The following DNAH5 variants were observed in gnomAD, a reference collection of about 807,000 sequenced individuals.
The protein encoded by DNAH5 is axonemal beta dynein heavy chain 5.
A neutral mutation model predicts 518.2 loss-of-function variants in DNAH5; 372 were observed. That is an observed-to-expected ratio of 0.72 (90% CI 0.66 to 0.78). The LOEUF (loss-of-function observed/expected upper bound fraction) is 0.78. Among genes scored for constraint, DNAH5 ranks in the 30% least tolerant of loss-of-function variants. The pLI, the probability that DNAH5 is intolerant of heterozygous loss-of-function variation, is 0.00. For synonymous variants in DNAH5, 2,039 were observed against 2,025.9 expected, an observed-to-expected ratio of 1.01 and a Z score of -0.17; for missense variants, 5,523 against 5,687.0, an observed-to-expected ratio of 0.97 and a Z score of 0.93.
chr5:13,863,743 A>G (rs1159394011), intron 28 of DNAH5, among the ~76,000 whole-genome samples: 2 of 152,182 alleles, frequency 1.3e-5, no homozygotes, highest in Non-Finnish European at 2.9e-5. Flanking sequence ...TCACTACCAG[A>G]GTGATCCTTA....
chr5:13,887,539 AG>A, intron 17 of DNAH5, among the ~76,000 whole-genome samples: 1 of 152,264 alleles, frequency 6.6e-6, no homozygotes, highest in Non-Finnish European at 1.5e-5. Flanking sequence ...ACCCACCAAA[AG>A]GGCCTTTCTT....
chr5:13,812,571 G>A (rs997404397), intron 43 of DNAH5, among the ~76,000 whole-genome samples: 15 of 152,274 alleles, frequency 9.9e-5, no homozygotes, highest in East Asian at 3.9e-4. Context: ...CTCCCAAAGC[G>A]CTGGGATTAC....
At chr5:13,722,603 C>T (rs1432521077) in intron 70 of DNAH5, among the ~76,000 whole-genome samples, 1 of 152,212 alleles carries the variant, frequency 6.6e-6, no homozygotes, top group African/African-American at 2.4e-5. Context: ...CTCAAACAAG[C>T]TTCATCATTC....
chr5:13,872,840 C>T (rs1254827448), intron 22 of DNAH5, among the ~76,000 whole-genome samples: 2 of 152,102 alleles, frequency 1.3e-5, no homozygotes, highest in South Asian at 2.1e-4. Flanking sequence ...TGGCTACCAC[C>T]TGTCTTAAGA....
At chr5:13,905,061 T>C (rs1775119436) in intron 12 of DNAH5, among the ~76,000 whole-genome samples, 1 of 152,212 alleles carries the variant, frequency 6.6e-6, no homozygotes, top group Non-Finnish European at 1.5e-5. Context: ...AGAGCCTCAT[T>C]GAAGATAAAT....
chr5:13,820,279 G>A (rs540379496), intron 41 of DNAH5, 67 bp downstream of exon 41: 1 of 1,526,330 alleles, frequency 6.6e-7, no homozygotes, highest in African/African-American at 1.4e-5. Context: ...TATCCCTCTT[G>A]GGCATTCAAA....
chr5:13,876,938 A>G, intron 21 of DNAH5, 121 bp from the exon 22 acceptor site: 7 of 1,017,048 alleles, frequency 6.9e-6, no homozygotes, highest in Non-Finnish European at 1.0e-5. Context: ...CTTTATAAAA[A>G]CAATGAAAAT....
chr5:13,699,156 T>C (rs2126391859), intron 78 of DNAH5, among the ~76,000 whole-genome samples: 1 of 152,272 alleles, frequency 6.6e-6, no homozygotes, highest in African/African-American at 2.4e-5. Flanking sequence ...AAAGTCTAAC[T>C]CCCCATAACT....
chr5:13,760,309 T>C (rs1002599267), intron 60 of DNAH5, among the ~76,000 whole-genome samples: 10 of 152,232 alleles, frequency 6.6e-5, no homozygotes, highest in African/African-American at 1.9e-4. Context: ...TTAGGACTTG[T>C]AGAACTCTGT....
At chr5:13,711,271 T>C (rs574383964) in intron 75 of DNAH5, among the ~76,000 whole-genome samples, 2 of 152,232 alleles carry the variant, frequency 1.3e-5, no homozygotes, top group African/African-American at 4.8e-5. Context: ...AAAAATCACA[T>C]GATCATCCCA....
At chr5:13,834,376 T>C (rs1764091386) in intron 35 of DNAH5, among the ~76,000 whole-genome samples, 1 of 152,158 alleles carries the variant, frequency 6.6e-6, no homozygotes, top group South Asian at 2.1e-4. Flanking sequence ...GAAAATAAAC[T>C]GTTGATCATT....
chr5:13,948,058 A>T (rs1436544364), upstream of DNAH5, among the ~76,000 whole-genome samples: 3 of 152,244 alleles, frequency 2.0e-5, no homozygotes, highest in Non-Finnish European at 1.5e-5. Context: ...CAAGGCCACA[A>T]CAATACCAGG....
At chr5:13,947,976 C>T (rs1448722331), upstream of DNAH5, among the ~76,000 whole-genome samples, 1 of 152,172 alleles carries the variant, frequency 6.6e-6, no homozygotes, top group Non-Finnish European at 1.5e-5. Flanking sequence ...TTGCTGTTGG[C>T]CAGACAAAAA....
upstream of DNAH5, among the ~76,000 whole-genome samples, chr5:13,946,100 C>T (rs769167924): frequency 6.6e-6 from 1 of 152,244 alleles, no homozygotes; most frequent in Non-Finnish European, 1.5e-5. Context: ...TCTGTCAACA[C>T]ATGACCTCAG....
intron 1 of DNAH5, among the ~76,000 whole-genome samples, chr5:13,963,477 C>G (rs112615992): frequency 0.028 from 4,322 of 152,036 alleles, 79 homozygotes; most frequent in Middle Eastern, 0.095. Context: ...ACTCGGGAGG[C>G]TGAGGCAGGA....
rs145926322 is a variant in DNAH5, at chr5:14,010,165, A to G, written c.12+1483T>C. On this transcript the variant is annotated intron_variant, in intron 1 of 78. Transcript: ENST00000681290. ...ATTGTAAACATTTTCCCATGTTATT[A>G]AATGTTTTCTAGTAACACTTGGAGG... Among the ~76,000 whole-genome samples the G allele has an allele frequency of 6.1e-3, 932 of 152,250 alleles. 8 individuals are homozygous for G. Among genetic ancestry groups the G allele is most frequent in the African/African-American group, 0.022 (908 of 41,560 alleles).
chr5:13,778,566 G>GAAAT (rs1754509879), intron 53 of DNAH5, among the ~76,000 whole-genome samples: 1 of 69,488 alleles, frequency 1.4e-5, no homozygotes, highest in African/African-American at 5.5e-5. Context: ...AAGAAAGAAA[G>GAAAT]AAAGAAAGAA....
chr5:13,808,221 A>G (rs997923017), intron 46 of DNAH5, among the ~76,000 whole-genome samples: 1 of 120,106 alleles, frequency 8.3e-6, no homozygotes, highest in African/African-American at 3.1e-5. Context: ...CAGAGACTCC[A>G]TCTCAAAAAA....
Position 13,859,573 on chromosome 5 carries a change from T to A in DNAH5, c.4829A>T (p.Lys1610Ile), listed in dbSNP as rs1490324617. 1 of 1,614,124 alleles carries A rather than the reference T, an allele frequency of 6.2e-7. No individual in the cohort carries two copies. The highest frequency in any genetic ancestry group is 8.5e-7 in the Non-Finnish European group (1 of 1,179,968). ...TGAGTTGGAAAGGTACTGCACCCAT[T>A]TTTGAATCTGGGCTTTGAATGGCAT... is the stretch of plus-strand genomic sequence containing the variant. ...YNMPFKAQIQKWVQYLSNSTD... is the reference protein window; with the variant it reads ...YNMPFKAQIQIWVQYLSNSTD... The change falls in exon 30 of 79, where the codon AAA becomes ATA. Residue 1610 changes from lysine to isoleucine, a missense_variant. Transcript: ENST00000265104.
Sources: gnomAD v4.1 joint callset for allele counts (sites outside exome capture counted in the v4.1 genomes callset) on GRCh38, gnomAD v4.1.1 for gene constraint, MANE v1.5 for transcripts, NCBI Gene and HGNC (gene_info 2026-07-23, HGNC 2026-07-21) for gene names.